Variants in SPAG16 observed in about 807,000 individuals in gnomAD.
SPAG16 encodes sperm-associated antigen 16 protein.
SPAG16 carries 86 observed loss-of-function variants against 80.4 expected under a neutral mutation model. The ratio of observed to expected loss-of-function variants is 1.07; its 90% CI spans 0.90 to 1.28. The LOEUF is 1.28. Ranked by LOEUF, SPAG16 falls within the 50% of genes most tolerant of loss-of-function variation. The pLI, the probability that SPAG16 is intolerant of heterozygous loss-of-function variation, is 0.00. For missense variants in SPAG16, 870 were observed against 765.3 expected (o/e 1.14, Z -1.61); for synonymous variants, 294 against 265.9 (o/e 1.11, Z -1.03).
At chr2:213,988,316 C>T (rs914803102) in intron 12 of SPAG16, among the ~76,000 whole-genome samples, 8 of 151,968 alleles carry the variant, frequency 5.3e-5, no homozygotes, top group South Asian at 2.1e-4. Context: ...CTTAAGTATA[C>T]GTGGAGCATC....
At chr2:213,978,021 A>G (rs1440674782) in intron 12 of SPAG16, among the ~76,000 whole-genome samples, 1 of 149,502 alleles carries the variant, frequency 6.7e-6, no homozygotes, top group Non-Finnish European at 1.5e-5. Flanking sequence ...GCACCCTTAA[A>G]TTCTTTATAG....
intron 11 of SPAG16, among the ~76,000 whole-genome samples, chr2:213,877,682 T>C (rs2076192736): frequency 6.6e-6 from 1 of 152,156 alleles, no homozygotes. Flanking sequence ...AGGATGAGGA[T>C]ACCATAATAT....
chr2:213,986,798 A>T (rs1233965761), intron 12 of SPAG16, among the ~76,000 whole-genome samples: 3 of 150,554 alleles, frequency 2.0e-5, no homozygotes, highest in African/African-American at 7.3e-5. Flanking sequence ...TAACTATAGC[A>T]CTTTAATAAA....
chr2:214,369,449 G>T (rs564152884), intron 15 of SPAG16, among the ~76,000 whole-genome samples: 55 of 152,106 alleles, frequency 3.6e-4, no homozygotes, highest in Non-Finnish European at 7.1e-4. Context: ...AAATACCCTG[G>T]CTCAGGGCAG....
intron 10 of SPAG16, among the ~76,000 whole-genome samples, chr2:213,843,586 C>T (rs1456681209): frequency 3.9e-5 from 6 of 152,220 alleles, no homozygotes; most frequent in Non-Finnish European, 5.9e-5. Flanking sequence ...CGAGGTGGCT[C>T]ATGCCTGTAA....
At chr2:213,632,578 C>G (rs2062196700) in intron 10 of SPAG16, among the ~76,000 whole-genome samples, 1 of 152,038 alleles carries the variant, frequency 6.6e-6, no homozygotes, top group Non-Finnish European at 1.5e-5. Flanking sequence ...TCAGTTTTCT[C>G]CTATTCAGTA....
chr2:213,932,942 G>A (rs2078830541), intron 12 of SPAG16, among the ~76,000 whole-genome samples: 1 of 99,542 alleles, frequency 1.0e-5, no homozygotes, highest in South Asian at 3.7e-4. Context: ...CTTAATGGTT[G>A]TTTGAAAACA....
At chr2:213,994,916 C>T (rs1358559603) in intron 12 of SPAG16, among the ~76,000 whole-genome samples, 1 of 152,092 alleles carries the variant, frequency 6.6e-6, no homozygotes, top group Non-Finnish European at 1.5e-5. Flanking sequence ...TTATTTGCAT[C>T]TTTTCTTATG....
intron 10 of SPAG16, among the ~76,000 whole-genome samples, chr2:213,591,401 T>A (rs1242951935): frequency 2.0e-5 from 3 of 152,192 alleles, no homozygotes; most frequent in Admixed American, 2.0e-4. Flanking sequence ...ATTTTATCAA[T>A]GTATTCTAAG....
intron 10 of SPAG16, among the ~76,000 whole-genome samples, chr2:213,571,999 T>C (rs1258211412): frequency 3.1e-5 from 4 of 127,170 alleles, no homozygotes; most frequent in African/African-American, 7.4e-5. Context: ...CATCTTCCAT[T>C]GCTGATACCC....
At chr2:214,347,064 T>A (rs1698097440) in intron 15 of SPAG16, among the ~76,000 whole-genome samples, 1 of 152,200 alleles carries the variant, frequency 6.6e-6, no homozygotes, top group Non-Finnish European at 1.5e-5. Flanking sequence ...GGCATCGGTT[T>A]GGAGATGACC....
chr2:213,869,281 G>GGA (rs2075850400), intron 11 of SPAG16, among the ~76,000 whole-genome samples: 1 of 36,888 alleles, frequency 2.7e-5, no homozygotes, highest in Non-Finnish European at 9.1e-5. Flanking sequence ...ATATATATAT[G>GGA]TATATATATA....
chr2:213,972,424 C>G (rs915772161), intron 12 of SPAG16, among the ~76,000 whole-genome samples: 3 of 152,110 alleles, frequency 2.0e-5, no homozygotes, highest in African/African-American at 7.2e-5. Flanking sequence ...TTGGCCAGTT[C>G]AAACCTGAAG....
chr2:213,693,939 A>G lies in SPAG16; in HGVS notation c.1071-168546A>G, dbSNP rs377131206. 1.8e-4 allele frequency among the ~76,000 whole-genome samples: 28 copies of G among 152,194 alleles called. No individual in the cohort carries two copies. In the East Asian group the frequency reaches 3.9e-3, roughly 21 times the overall value. On this transcript the variant is annotated intron_variant, in intron 10 of 15. Coordinates refer to ENST00000331683, the MANE Select transcript of SPAG16 (RefSeq NM_024532.5). The stretch of plus-strand genomic sequence containing the variant: ...GCTAGATTGTGAGACCAGGGATGCC[A>G]GGTATTTTGTTTCTGCAAGAGAAGC...
intron 9 of SPAG16, among the ~76,000 whole-genome samples, chr2:213,452,310 A>G (rs1320115468): frequency 6.6e-6 from 1 of 152,128 alleles, no homozygotes; most frequent in Non-Finnish European, 1.5e-5. Context: ...CTGTAACACT[A>G]CCTTGGTACG....
At chr2:214,104,252 AT>A (rs2053248900) in intron 13 of SPAG16, among the ~76,000 whole-genome samples, 1 of 152,218 alleles carries the variant, frequency 6.6e-6, no homozygotes, top group African/African-American at 2.4e-5. Context: ...ATGAGGTCAG[AT>A]ACAGAGACAA....
At chr2:214,314,946 T>C (rs796666253) in intron 15 of SPAG16, among the ~76,000 whole-genome samples, 3 of 148,548 alleles carry the variant, frequency 2.0e-5, no homozygotes, top group South Asian at 4.3e-4. Context: ...GTTAAACCAA[T>C]ATGATACTGT....
chr2:213,642,923 C>A (rs550967441), intron 10 of SPAG16, among the ~76,000 whole-genome samples: 17 of 151,250 alleles, frequency 1.1e-4, no homozygotes, highest in African/African-American at 3.6e-4. Flanking sequence ...ACATCGAACT[C>A]CACGTTCTTC....
At chr2:213,305,056 A>T (rs1235361261) in intron 3 of SPAG16, among the ~76,000 whole-genome samples, 1 of 152,078 alleles carries the variant, frequency 6.6e-6, no homozygotes, top group Admixed American at 6.6e-5. Context: ...TTCTTTCATC[A>T]GTATTTTATA....
Sources: allele counts gnomAD v4.1 joint callset (sites outside exome capture counted in the v4.1 genomes callset), GRCh38; gene constraint gnomAD v4.1.1; transcripts MANE v1.5; gene names NCBI Gene and HGNC (gene_info 2026-07-23, HGNC 2026-07-21).